The following PARP4 variants were observed in gnomAD, a reference collection of about 807,000 sequenced individuals.
PARP4 encodes the protein protein mono-ADP-ribosyltransferase PARP4.
PARP4 carries 120 observed loss-of-function variants against 187.7 expected under a neutral mutation model. The ratio of observed to expected loss-of-function variants is 0.64; its 90% confidence interval spans 0.55 to 0.74. The LOEUF is 0.74. Ranked by LOEUF, PARP4 falls within the 30% of genes least tolerant of loss-of-function variation. PARP4 has a pLI of 0.00. For missense variants in PARP4, 1,836 were observed against 2,070.5 expected (o/e 0.89, Z 2.20); for synonymous variants, 654 against 740.9 (o/e 0.88, Z 1.90).
intron 1 of PARP4, among the ~76,000 whole-genome samples, chr13:24,510,552 T>TAAAAAAA (rs1869956398): frequency 5.1e-5 from 2 of 39,538 alleles, no homozygotes; most frequent in Admixed American, 2.9e-4. Flanking sequence ...AGACTCCGTC[T>TAAAAAAA]CAAAAAAAAA....
intron 2 of PARP4, among the ~76,000 whole-genome samples, chr13:24,502,244 T>C (rs1869340375): frequency 6.6e-6 from 1 of 152,228 alleles, no homozygotes; most frequent in South Asian, 2.1e-4. Context: ...AGGGTCTTGC[T>C]ATGTTGACCA....
At chr13:24,445,592 G>GT in intron 27 of PARP4, among the ~76,000 whole-genome samples, 1 of 152,334 alleles carries the variant, frequency 6.6e-6, no homozygotes, top group South Asian at 2.1e-4. Context: ...AGAAGCTCCT[G>GT]TGCTTGGGAC....
In PARP4 at chr13:24,500,345, T is replaced by C; in HGVS notation, c.372A>G (p.Thr124=). 2 of 1,605,500 alleles carry C rather than the reference T, an allele frequency of 1.2e-6. No individual in the cohort carries two copies. The highest frequency in any genetic ancestry group is 2.2e-5 in the South Asian group (2 of 90,048). ...KTEGLCPDSA[T]EEEDTVELTE... is the part of the protein sequence containing the mutation. The stretch of plus-strand genomic sequence containing the variant: ...TGAGTTCCACAGTGTCTTCCTCCTC[T>C]GTGGCACTGTCCGGGCATAGACCTT... Residue 124 remains threonine (T), a synonymous_variant, in exon 4 of 34, where the codon ACA becomes ACG. Coordinates refer to ENST00000381989, the MANE Select transcript of PARP4 (RefSeq NM_006437.4).
Position 24,486,172 on chromosome 13 carries a change from A to C in PARP4, c.1348T>G (p.Cys450Gly), listed in dbSNP as rs1873540077. ...SPVQNIVGILCRGLLLPKVVE... is the reference protein window; with the variant it reads ...SPVQNIVGILGRGLLLPKVVE... The stretch of plus-strand genomic sequence containing the variant: ...AATAAAGATGGCTACTCTTACCGAC[A>C]CAAGATTCCCACGATGTTTTGTACA... Residue 450 changes from cysteine (C) to glycine (G), a missense_variant, in exon 11 of 34, where the codon TGT (cysteine) becomes GGT (glycine). Around this residue, in one of 8 missense-constraint regions of PARP4, gnomAD observed 1,147 missense variants for 1,214.2 expected, o/e 0.94. Coordinates refer to ENST00000381989, the MANE Select transcript of PARP4 (RefSeq NM_006437.4). The C allele has an allele frequency of 1.2e-6, 2 of 1,609,768 alleles. No homozygotes were observed. Among genetic ancestry groups the C allele is most frequent in the Non-Finnish European group, 1.7e-6 (2 of 1,178,670 alleles).
intron 15 of PARP4, among the ~76,000 whole-genome samples, chr13:24,471,003 A>G (rs1158322025): frequency 6.6e-6 from 1 of 152,134 alleles, no homozygotes; most frequent in Non-Finnish European, 1.5e-5. Context: ...CAGCCACCCA[A>G]GAGGAGGCAA....
At chr13:24,507,287 C>T (rs568902343) in intron 1 of PARP4, among the ~76,000 whole-genome samples, 1 of 152,332 alleles carries the variant, frequency 6.6e-6, no homozygotes, top group African/African-American at 2.4e-5. Context: ...GAGTGGGCGC[C>T]GAGAGCCAGC....
At chr13:24,494,789 T>C in intron 6 of PARP4, 67 bp from the exon 7 acceptor site, 1 of 1,115,330 alleles carries the variant, frequency 9.0e-7, no homozygotes, top group Admixed American at 2.4e-5. Context: ...TGAACATAAA[T>C]AAAGCAGTAG....
chr13:24,433,964 T>TTCCCATGACCTATG (rs1870472991), intron 31 of PARP4, among the ~76,000 whole-genome samples: 1 of 152,080 alleles, frequency 6.6e-6, no homozygotes, highest in South Asian at 2.1e-4. Flanking sequence ...AATATCTGTA[T>TTCCCATGACCTATG]TCCCATGACC....
At chr13:24,423,922 C>T (rs1329349592) in intron 33 of PARP4, among the ~76,000 whole-genome samples, 1 of 152,116 alleles carries the variant, frequency 6.6e-6, no homozygotes, top group African/African-American at 2.4e-5. Flanking sequence ...CTTGGCCTCC[C>T]AAAGTGCTGG....
Position 24,459,255 on chromosome 13 carries a change from G to C in PARP4, c.2345+9C>G, listed in dbSNP as rs9581061. On this transcript the variant is annotated intron_variant, in intron 19 of 33. Transcript: ENST00000381989. ...TTGAATTGACAGGTTTTATATTTTA[G>C]GTACTAACCTTTGCTTTGTTCCTAT... 0.11 allele frequency: 172,836 copies of C among 1,576,898 alleles called. 10,507 individuals are homozygous for C. The highest frequency in any genetic ancestry group is 0.18 in the African/African-American group (12,893 of 73,394).
chr13:24,490,156 G>A (rs111837114), intron 10 of PARP4, among the ~76,000 whole-genome samples: 8 of 152,298 alleles, frequency 5.3e-5, no homozygotes, highest in Admixed American at 3.3e-4. Context: ...CCCAGCAAGG[G>A]CTCATCTGAG....
intron 1 of PARP4, among the ~76,000 whole-genome samples, chr13:24,507,007 A>T (rs1869736984): frequency 6.6e-6 from 1 of 152,180 alleles, no homozygotes; most frequent in Non-Finnish European, 1.5e-5. Flanking sequence ...GTGGGCCGGC[A>T]CTGCTGGGGT....
chr13:24,491,405 C>A (rs551849151), intron 9 of PARP4, among the ~76,000 whole-genome samples: 1 of 152,310 alleles, frequency 6.6e-6, no homozygotes, highest in Admixed American at 6.5e-5. Flanking sequence ...AGGCGTGAGC[C>A]ACCACACCCG....
intron 30 of PARP4, among the ~76,000 whole-genome samples, chr13:24,437,843 C>G (rs1443983002): frequency 1.8e-5 from 1 of 56,882 alleles, no homozygotes; most frequent in Admixed American, 1.6e-4. Flanking sequence ...GAGTGAGACT[C>G]CATCTCAAAA....
intron 31 of PARP4, among the ~76,000 whole-genome samples, chr13:24,434,027 T>C (rs1423892939): frequency 1.3e-5 from 2 of 152,166 alleles, no homozygotes; most frequent in Non-Finnish European, 2.9e-5. Flanking sequence ...TACTTCACAG[T>C]GGGAAATTTA....
intron 6 of PARP4, among the ~76,000 whole-genome samples, chr13:24,496,741 T>C (rs1423977789): frequency 2.6e-5 from 4 of 152,188 alleles, no homozygotes; most frequent in Non-Finnish European, 4.4e-5. Flanking sequence ...GACAGAGCTG[T>C]AGGCAGGACG....
At chr13:24,494,494 A>C in intron 7 of PARP4, 79 bp downstream of exon 7, 1 of 1,308,920 alleles carries the variant, frequency 7.6e-7, no homozygotes, top group Non-Finnish European at 1.1e-6. Flanking sequence ...AGCCTGGCCC[A>C]GTCTTTTATT....
chr13:24,481,982 C>T (rs1011022005), intron 12 of PARP4, among the ~76,000 whole-genome samples: 1 of 152,190 alleles, frequency 6.6e-6, no homozygotes, highest in African/African-American at 2.4e-5. Flanking sequence ...ATTCTCCTTG[C>T]CCTTAAGAGC....
intron 31 of PARP4, among the ~76,000 whole-genome samples, chr13:24,432,985 C>T (rs1038939725): frequency 6.6e-6 from 1 of 152,080 alleles, no homozygotes; most frequent in African/African-American, 2.4e-5. Flanking sequence ...TGTACCAACC[C>T]ATAGAGAAGT....
Sources: allele counts gnomAD v4.1 joint callset (sites outside exome capture counted in the v4.1 genomes callset), GRCh38; gene constraint gnomAD v4.1.1; regional missense constraint gnomAD v4.1.1; transcripts MANE v1.5; gene names NCBI Gene and HGNC (gene_info 2026-07-23, HGNC 2026-07-21).